The following RFC3 variants were observed in gnomAD, a reference collection of about 807,000 sequenced individuals.
The protein encoded by RFC3 is A1 38 kDa subunit.
A neutral mutation model predicts 45.1 loss-of-function variants in RFC3; 41 were observed. That is an observed-to-expected ratio of 0.91 (90% CI 0.71 to 1.18). The LOEUF is 1.18. RFC3 is among the 50% of genes most tolerant of loss of function. The probability of loss-of-function intolerance (pLI) is 0.00; values close to 1 mark genes in which losing one functional copy is unlikely to be tolerated. For missense variants in RFC3, 423 were observed against 428.1 expected (o/e 0.99, Z 0.10); for synonymous variants, 149 against 144.0 (o/e 1.03, Z -0.25).
At chr13:33,884,952 T>G (rs1344364407) in intron 8 of RFC3, among the ~76,000 whole-genome samples, 1 of 152,234 alleles carries the variant, frequency 6.6e-6, no homozygotes, top group Non-Finnish European at 1.5e-5. Context: ...CCAGGTCATT[T>G]CCTGAACTCC....
intron 8 of RFC3, among the ~76,000 whole-genome samples, chr13:33,872,890 G>GA (rs1194160411): frequency 1.3e-5 from 2 of 148,320 alleles, no homozygotes; most frequent in East Asian, 2.0e-4. Context: ...GTTTCTCTCT[G>GA]AAAAATAAAT....
intron 8 of RFC3, among the ~76,000 whole-genome samples, chr13:33,865,231 T>C (rs2137547470): frequency 6.6e-6 from 1 of 152,260 alleles, no homozygotes; most frequent in South Asian, 2.1e-4. Flanking sequence ...GAAAGTTCTA[T>C]AAAAAATATG....
chr13:33,877,486 A>G (rs888442079), intron 8 of RFC3, among the ~76,000 whole-genome samples: 4 of 152,300 alleles, frequency 2.6e-5, no homozygotes, highest in Non-Finnish European at 5.9e-5. Flanking sequence ...ACACTTTGAT[A>G]TGGAAGCTGT....
At chr13:33,975,595 A>T in the RFC3 span, among the ~76,000 whole-genome samples, 1 of 152,206 alleles carries the variant, frequency 6.6e-6, no homozygotes, top group Admixed American at 6.5e-5. Context: ...TGGCAAAATT[A>T]TCCCACCATA....
At chr13:33,943,149 T>C (rs1380637374) in intron 8 of RFC3, among the ~76,000 whole-genome samples, 5 of 152,158 alleles carry the variant, frequency 3.3e-5, no homozygotes, top group South Asian at 2.1e-4. Context: ...TCATTTTTCA[T>C]TGATGGGCAG....
At chr13:33,879,311 A>G (rs1436888704) in intron 8 of RFC3, among the ~76,000 whole-genome samples, 1 of 152,230 alleles carries the variant, frequency 6.6e-6, no homozygotes, top group Non-Finnish European at 1.5e-5. Context: ...ATGTTCTTAA[A>G]GATTATATCA....
At chr13:33,825,938 CTCTT>C (rs756001511) in intron 4 of RFC3, 52 bp downstream of exon 4, 5 of 1,166,536 alleles carry the variant, frequency 4.3e-6, no homozygotes, top group Non-Finnish European at 6.2e-6. Flanking sequence ...TTAGTGCTCT[CTCTT>C]TTTTTTGAGT....
At chr13:33,944,052 C>T (rs1465468300) in intron 8 of RFC3, among the ~76,000 whole-genome samples, 1 of 152,086 alleles carries the variant, frequency 6.6e-6, no homozygotes, top group Non-Finnish European at 1.5e-5. Context: ...AGCATAAGCA[C>T]TTTGTTGCTT....
At chr13:33,851,935 T>C (rs1282845603) in intron 8 of RFC3, among the ~76,000 whole-genome samples, 1 of 152,176 alleles carries the variant, frequency 6.6e-6, no homozygotes, top group Non-Finnish European at 1.5e-5. Context: ...AATTTTAAAA[T>C]TGGCTTTCAG....
chr13:33,865,328 G>T (rs999332282), intron 8 of RFC3, among the ~76,000 whole-genome samples: 1 of 152,202 alleles, frequency 6.6e-6, no homozygotes, highest in African/African-American at 2.4e-5. Flanking sequence ...GAGTTGCCTT[G>T]TAAGAAGCTG....
rs550175893 is a variant in RFC3, at chr13:33,890,652, T to C, written c.879+55435T>C. Among the ~76,000 whole-genome samples the C allele has an allele frequency of 9.3e-4, 142 of 152,346 alleles. 1 individual carries two copies. The highest frequency in any genetic ancestry group is 1.7e-3 in the Non-Finnish European group (114 of 68,036). On this transcript the variant is annotated intron_variant, in intron 8 of 8. Transcript: ENST00000434425. The stretch of plus-strand genomic sequence containing the variant: ...TTTACTATGTTTGTGTCAGGCATTG[T>C]CCTGAGCTTAATTACATCATCCCCT...
intron 1 of RFC3, among the ~76,000 whole-genome samples, chr13:33,819,223 C>G (rs771728318): frequency 6.6e-6 from 1 of 152,172 alleles, no homozygotes; most frequent in Non-Finnish European, 1.5e-5. Context: ...ATCCTCTCCC[C>G]TCTATCCTGA....
chr13:33,946,866 G>C (rs1402224475), intron 8 of RFC3, among the ~76,000 whole-genome samples: 1 of 152,188 alleles, frequency 6.6e-6, no homozygotes, highest in African/African-American at 2.4e-5. Context: ...AACCATGTCG[G>C]TGAGCTTTTT....
intron 8 of RFC3, among the ~76,000 whole-genome samples, chr13:33,880,664 A>G (rs2082476900): frequency 6.6e-6 from 1 of 152,206 alleles, no homozygotes; most frequent in Non-Finnish European, 1.5e-5. Flanking sequence ...GCACAGCACA[A>G]CTCTAGAATC....
Position 33,922,364 on chromosome 13 carries a change from G to C in RFC3, c.880-43723G>C, listed in dbSNP as rs548928661. ...AATATTTGAATTTTTTTGTGTCTAT[G>C]AATTCTAAACTATGCTCAGGAAATA... On this transcript the variant is annotated intron_variant, in intron 8 of 8. Coordinates refer to the RFC3 transcript ENST00000434425. Among the ~76,000 whole-genome samples, 68 of 152,004 alleles carry C rather than the reference G, an allele frequency of 4.5e-4. 1 individual carries two copies. The highest frequency in any genetic ancestry group is 1.5e-4 in the Non-Finnish European group (10 of 67,968).
chr13:33,933,967 G>C (rs1313166228), intron 8 of RFC3, among the ~76,000 whole-genome samples: 1 of 151,584 alleles, frequency 6.6e-6, no homozygotes, highest in Non-Finnish European at 1.5e-5. Flanking sequence ...GGCAGACAGA[G>C]ACTGCAGGGA....
intron 8 of RFC3, among the ~76,000 whole-genome samples, chr13:33,875,758 C>T (rs1467945605): frequency 6.6e-6 from 1 of 152,044 alleles, no homozygotes; most frequent in Non-Finnish European, 1.5e-5. Context: ...CCTGGGGGTG[C>T]CGTTGCATGT....
chr13:33,835,256 A>C, intron 8 of RFC3, 39 bp downstream of exon 8: 1 of 1,337,266 alleles, frequency 7.5e-7, no homozygotes, highest in South Asian at 1.2e-5. Flanking sequence ...TACAGCTATA[A>C]AATTTGGACG....
At chr13:33,891,724 G>A (rs1013464145) in intron 8 of RFC3, among the ~76,000 whole-genome samples, 2 of 152,038 alleles carry the variant, frequency 1.3e-5, no homozygotes, top group East Asian at 1.9e-4. Flanking sequence ...CAAACATGTG[G>A]ATGAAAATAC....
Sources: allele counts gnomAD v4.1 joint callset (sites outside exome capture counted in the v4.1 genomes callset), GRCh38; gene constraint gnomAD v4.1.1; transcripts MANE v1.5; gene names NCBI Gene and HGNC (gene_info 2026-07-23, HGNC 2026-07-21).